The following XKR9 variants were observed in gnomAD, a reference collection of about 807,000 sequenced individuals.
XKR9 encodes the protein XK-related protein 9.
Under a neutral mutation model 32.0 loss-of-function variants are expected in XKR9, and 32 were observed. That is an observed-to-expected ratio of 1.00 (90% CI 0.76 to 1.34). The LOEUF is 1.34. Ranked by LOEUF, XKR9 falls within the 40% of genes most tolerant of loss-of-function variation. The pLI, the probability that XKR9 is intolerant of heterozygous loss-of-function variation, is 0.00. For synonymous variants in XKR9, 168 were observed against 143.4 expected (o/e 1.17, Z -1.22); for missense variants, 546 against 429.7 (o/e 1.27, Z -2.39).
chr8:70,865,065 A>C, the XKR9 span, among the ~76,000 whole-genome samples: 1 of 152,172 alleles, frequency 6.6e-6, no homozygotes. Flanking sequence ...GAGTTGTTAT[A>C]TATCAAAGTG....
chr8:70,776,152 A>G (rs902734254), intron 2 of XKR9, among the ~76,000 whole-genome samples: 2 of 152,086 alleles, frequency 1.3e-5, no homozygotes, highest in African/African-American at 2.4e-5. Flanking sequence ...TTTCTAAAAG[A>G]GTTCTTTTTA....
the XKR9 span, among the ~76,000 whole-genome samples, chr8:70,798,182 T>C: frequency 6.6e-6 from 1 of 151,924 alleles, no homozygotes; most frequent in Non-Finnish European, 1.5e-5. Flanking sequence ...AGTGTATAAG[T>C]GTTCCTTTTT....
the XKR9 span, among the ~76,000 whole-genome samples, chr8:70,983,981 T>C: frequency 6.6e-6 from 1 of 152,152 alleles, no homozygotes. Context: ...AACAAAATAA[T>C]GATACCTTTA....
the XKR9 span, among the ~76,000 whole-genome samples, chr8:70,976,305 A>T: frequency 6.6e-6 from 1 of 152,148 alleles, no homozygotes; most frequent in Admixed American, 6.5e-5. Context: ...GTCTTGTGCC[A>T]GTTTTCAAAG....
Position 70,734,241 on chromosome 8 carries a change from T to C in XKR9, c.939T>C (p.Phe313=), listed in dbSNP as rs2290703. 1.1e-3 allele frequency: 1,836 copies of C among 1,613,052 alleles called. 32 individuals are homozygous for C. In the East Asian group the frequency reaches 0.032, roughly 28 times the overall value. Residue 313 remains phenylalanine, a synonymous_variant, in exon 5 of 5, where the codon TTT becomes TTC. Coordinates refer to ENST00000408926, the MANE Select transcript of XKR9 (RefSeq NM_001011720.2). The part of the protein sequence containing the change: ...TVFWVCPLTI[F]NPDYFIPISI... Reference sequence around the variant, plus strand: ...TCTGGGTTTGCCCCCTCACTATTTTTAATCCAGACTATTTTATACCTATCA... The same window carrying C: ...TCTGGGTTTGCCCCCTCACTATTTTCAATCCAGACTATTTTATACCTATCA...
At chr8:70,690,674 G>A (rs1819484216) in intron 3 of XKR9, among the ~76,000 whole-genome samples, 1 of 152,072 alleles carries the variant, frequency 6.6e-6, no homozygotes, top group Non-Finnish European at 1.5e-5. Flanking sequence ...ATGAGAACAT[G>A]CGGTATTTGG....
the XKR9 span, among the ~76,000 whole-genome samples, chr8:71,011,494 C>T: frequency 6.6e-6 from 1 of 152,132 alleles, no homozygotes; most frequent in Non-Finnish European, 1.5e-5. Flanking sequence ...ATTTTTGAGA[C>T]TTCAAATGAA....
At chr8:71,005,024 T>C in the XKR9 span, among the ~76,000 whole-genome samples, 1 of 117,186 alleles carries the variant, frequency 8.5e-6, no homozygotes, top group Non-Finnish European at 1.9e-5. Context: ...TTTTTTTTTT[T>C]TGTAGAGTTG....
intron 1 of XKR9, among the ~76,000 whole-genome samples, chr8:70,672,099 G>A (rs1276822041): frequency 3.7e-5 from 2 of 54,248 alleles, no homozygotes; most frequent in East Asian, 5.2e-4. Context: ...AACATTCCAT[G>A]CTCATGGGTA....
chr8:70,770,484 A>G (rs1807439013), intron 2 of XKR9, among the ~76,000 whole-genome samples: 2 of 152,150 alleles, frequency 1.3e-5, no homozygotes, highest in East Asian at 3.9e-4. Flanking sequence ...GCAGGCAGGA[A>G]CGTTTAAGTC....
the XKR9 span, among the ~76,000 whole-genome samples, chr8:70,846,308 T>A: frequency 6.6e-6 from 1 of 151,556 alleles, no homozygotes; most frequent in African/African-American, 2.4e-5. Flanking sequence ...CTTAAGGGAG[T>A]CTTACAATGG....
chr8:70,686,749 A>G (rs2132123168), intron 3 of XKR9, among the ~76,000 whole-genome samples: 1 of 152,198 alleles, frequency 6.6e-6, no homozygotes, highest in South Asian at 2.1e-4. Context: ...GAGAAAGTGA[A>G]TGTAATTTTT....
At chr8:70,954,733 C>T in the XKR9 span, among the ~76,000 whole-genome samples, 1 of 152,160 alleles carries the variant, frequency 6.6e-6, no homozygotes, top group African/African-American at 2.4e-5. Flanking sequence ...TATTCACATG[C>T]CAAATCCATG....
chr8:70,915,512 A>T, the XKR9 span, among the ~76,000 whole-genome samples: 1 of 152,156 alleles, frequency 6.6e-6, no homozygotes, highest in Non-Finnish European at 1.5e-5. Context: ...TTTCATTGTC[A>T]TGATTTTTCT....
At chr8:70,924,620 G>A in the XKR9 span, among the ~76,000 whole-genome samples, 1 of 151,994 alleles carries the variant, frequency 6.6e-6, no homozygotes, top group Non-Finnish European at 1.5e-5. Flanking sequence ...TCTCCACGTG[G>A]CAGATTCCTA....
chr8:70,741,144 T>C (rs999993929), intron 2 of XKR9, among the ~76,000 whole-genome samples: 1 of 152,244 alleles, frequency 6.6e-6, no homozygotes, highest in Non-Finnish European at 1.5e-5. Context: ...TCTGGGCTGC[T>C]TTGTTTACCT....
At chr8:71,011,005 C>T in the XKR9 span, among the ~76,000 whole-genome samples, 1 of 152,100 alleles carries the variant, frequency 6.6e-6, no homozygotes, top group South Asian at 2.1e-4. Context: ...TGTTTAATTA[C>T]GATCCCTTTT....
chr8:70,938,049 A>G, the XKR9 span, among the ~76,000 whole-genome samples: 2 of 152,042 alleles, frequency 1.3e-5, no homozygotes, highest in African/African-American at 4.8e-5. Flanking sequence ...GTAGAAAACA[A>G]CAGGTTAAAG....
chr8:70,784,799 A>G (rs867671670), intron 2 of XKR9, among the ~76,000 whole-genome samples: 2 of 151,852 alleles, frequency 1.3e-5, no homozygotes, highest in East Asian at 1.9e-4. Context: ...AATGCTTTCA[A>G]TTTTTCATCA....
Sources: gnomAD v4.1 joint callset for allele counts (sites outside exome capture counted in the v4.1 genomes callset) on GRCh38, gnomAD v4.1.1 for gene constraint, MANE v1.5 for transcripts, NCBI Gene and HGNC (gene_info 2026-07-23, HGNC 2026-07-21) for gene names.